The following RUNX1T1 variants were observed in gnomAD, a reference collection of about 807,000 sequenced individuals.
RUNX1T1 encodes the protein protein CBFA2T1.
In RUNX1T1, 4 loss-of-function variants were observed where a neutral mutation model predicts 62.8. That is an observed-to-expected ratio of 0.06 (90% CI 0.03 to 0.15). RUNX1T1 has a LOEUF of 0.15. RUNX1T1 is among the 10% of genes least tolerant of loss of function. The pLI is 1.00. For missense variants in RUNX1T1, 508 were observed against 754.3 expected, an observed-to-expected ratio of 0.67 and a Z score of 3.82; for synonymous variants, 291 against 286.0, an observed-to-expected ratio of 1.02 and a Z score of -0.18.
chr8:92,070,670 G>A (rs1267931048), intron 2 of RUNX1T1, among the ~76,000 whole-genome samples: 2 of 152,200 alleles, frequency 1.3e-5, no homozygotes, highest in Non-Finnish European at 2.9e-5. Flanking sequence ...TCCCTGCAAA[G>A]CCCAATCTCT....
At chr8:92,051,600 ACACTCTCTCTCTCTCTCTCTCT>A (rs1683234816) in intron 1 of RUNX1T1, among the ~76,000 whole-genome samples, 1 of 145,366 alleles carries the variant, frequency 6.9e-6, no homozygotes, top group Admixed American at 6.8e-5. Context: ...ACACACACAC[ACACTCTCTCTCTCTCTCTCTCT>A]CACTCTCTCT....
At position 91,985,751 on chromosome 8, in the gene RUNX1T1, G is replaced by A. The variant is rs867164090; in HGVS notation, c.1198+373C>T. On this transcript the variant is annotated intron_variant, in intron 8 of 10. Transcript: ENST00000396218. ...GCAGTGATAACATTGGTATGCAGTG[G>A]CAGAATTCACTAGAGACCTTGACGG... 5.3e-5 allele frequency among the ~76,000 whole-genome samples: 8 copies of A among 152,236 alleles called. 1 individual carries two copies. In the South Asian group the frequency reaches 8.3e-4, roughly 16 times the overall value.
intron 8 of RUNX1T1, among the ~76,000 whole-genome samples, chr8:91,982,098 T>A (rs543931566): frequency 6.6e-6 from 1 of 151,364 alleles, no homozygotes; most frequent in Non-Finnish European, 1.5e-5. Context: ...TACAAAAAAA[T>A]TAGCTGGGTG....
chr8:91,957,096 C>G (rs1178118171), downstream of RUNX1T1: 1 of 217,970 alleles, frequency 4.6e-6, no homozygotes, highest in African/African-American at 2.3e-5. Flanking sequence ...CGCCCTATTC[C>G]TATCAGCGAC....
upstream of RUNX1T1, chr8:92,062,969 AC>A: frequency 8.3e-7 from 1 of 1,211,520 alleles, no homozygotes; most frequent in Non-Finnish European, 1.0e-6. Context: ...ATTCACCACC[AC>A]CCCCATCCTG....
chr8:92,012,674 G>A (rs903419584), intron 3 of RUNX1T1, among the ~76,000 whole-genome samples: 3 of 152,006 alleles, frequency 2.0e-5, no homozygotes, highest in African/African-American at 7.2e-5. Context: ...ACTACCAGTT[G>A]GGTGGCCTTG....
At chr8:91,959,718 A>T in exon 11 of RUNX1T1, 1 of 228,614 alleles carries the variant, frequency 4.4e-6, no homozygotes. Flanking sequence ...TCAGTTAGCA[A>T]CCCACGGACG....
chr8:92,064,194 T>G (rs1481469775), upstream of RUNX1T1, among the ~76,000 whole-genome samples: 1 of 152,196 alleles, frequency 6.6e-6, no homozygotes. Flanking sequence ...ATATATTCTC[T>G]TGATAAACAG....
intron 8 of RUNX1T1, among the ~76,000 whole-genome samples, chr8:91,983,180 G>C (rs995624370): frequency 2.7e-4 from 41 of 151,560 alleles, no homozygotes; most frequent in African/African-American, 9.9e-4. Context: ...TGATCCGTCT[G>C]CCTCGGCCTC....
chr8:91,956,874 G>T (rs942921249), downstream of RUNX1T1: 1 of 214,630 alleles, frequency 4.7e-6, no homozygotes, highest in African/African-American at 2.3e-5. Context: ...ACAACATGGA[G>T]TCGCTTTCTT....
rs775183670 is a variant in RUNX1T1 at position 91,986,195 on chromosome 8, T to C, written c.1127A>G (p.Lys376Arg). 10 of 1,614,036 alleles carry C rather than the reference T, an allele frequency of 6.2e-6. No homozygotes were observed. In the South Asian group the frequency reaches 7.7e-5, roughly 12 times the overall value. ...GCTGCTGCTACTGCCGCCACCTTTTTTTAAGTCCTCGGCGTCACTGTACCG... is the reference window on the plus strand; with the variant it reads ...GCTGCTGCTACTGCCGCCACCTTTTCTTAAGTCCTCGGCGTCACTGTACCG... Residue 376 changes from lysine to arginine, a missense_variant, in exon 8 of 11, where the codon AAA (lysine) becomes AGA (arginine). Lys to Arg is a conservative substitution (Grantham distance 26, BLOSUM62 2). Transcript: ENST00000396218.
At chr8:92,005,321 G>A (rs1820538174) in intron 4 of RUNX1T1, 24 bp from the exon 6 acceptor site, 20 of 1,603,850 alleles carry the variant, frequency 1.2e-5, no homozygotes, top group Non-Finnish European at 1.7e-5. Flanking sequence ...ACAGGAATGA[G>A]AGGACGGACT....
chr8:92,099,563 G>A lies in RUNX1T1; in HGVS notation c.-86+17C>T, dbSNP rs1054641345. 10 of 931,548 alleles carry A rather than the reference G, an allele frequency of 1.1e-5. No homozygotes were observed. The African/African-American group carries it at 1.8e-4, about 17-fold the overall frequency. 57.7% of individuals were successfully genotyped at this position (931,548 alleles called of 1,614,324 possible). ...CAACAAATAAATAGCCTTTCTCACT[G>A]AACTTACATAACTTACAGTAATAGA... On this transcript the variant is annotated intron_variant, in intron 1 of 11. Coordinates refer to the RUNX1T1 transcript ENST00000265814.
rs1158790160 is a variant in RUNX1T1, at chr8:91,986,958, G to A, written c.925C>T (p.Arg309Cys). Residue 309 changes from arginine to cysteine, a missense_variant, in exon 7 of 11, where the codon CGT becomes TGT. Physicochemically the swap from Arg to Cys is radical, Grantham distance 180. Transcript: ENST00000396218. ...CTGTGATCAATCATTTCTTCTTGACGTGTGCCATGCAACCCTACAAAAATA... is the reference window on the plus strand; with the variant it reads ...CTGTGATCAATCATTTCTTCTTGACATGTGCCATGCAACCCTACAAAAATA... 4.3e-6 allele frequency: 7 copies of A among 1,610,448 alleles called. No homozygotes were observed. The highest frequency in any genetic ancestry group is 1.7e-5 in the Admixed American group (1 of 60,008).
At position 92,034,575 on chromosome 8, in the gene RUNX1T1, C is replaced by G. The variant is rs553174211; in HGVS notation, c.8-17212G>C. Among the ~76,000 whole-genome samples, 21 of 152,064 alleles carry G rather than the reference C, an allele frequency of 1.4e-4. No individual in the cohort carries two copies. In the South Asian group the frequency reaches 3.5e-3, roughly 26 times the overall value. On this transcript the variant is annotated intron_variant, in intron 1 of 10. Coordinates refer to ENST00000396218, the Ensembl canonical transcript of RUNX1T1. ...CCTTCTTATATCAAAAAGATACCTG[C>G]ACTCCTAGTTTATTGCAGCACTATT...
intron 1 of RUNX1T1, among the ~76,000 whole-genome samples, chr8:92,031,272 A>C (rs192872610): frequency 6.6e-6 from 1 of 152,316 alleles, no homozygotes; most frequent in East Asian, 1.9e-4. Context: ...AACCATCTAA[A>C]AAAGTTAACA....
chr8:92,060,903 G>A (rs1831922951), intron 1 of RUNX1T1, among the ~76,000 whole-genome samples: 1 of 150,756 alleles, frequency 6.6e-6, no homozygotes, highest in Non-Finnish European at 1.5e-5. Context: ...CCAAGTACAA[G>A]GTTTTCTAAC....
intron 1 of RUNX1T1, among the ~76,000 whole-genome samples, chr8:92,030,566 A>C (rs1192402270): frequency 6.6e-6 from 1 of 152,342 alleles, no homozygotes; most frequent in East Asian, 1.9e-4. Context: ...TCACTTTCTC[A>C]TATTTCAACC....
In RUNX1T1 at chr8:92,060,555, G is replaced by A. The variant is rs867467879; in HGVS notation, c.7+1991C>T. On this transcript the variant is annotated intron_variant, in intron 1 of 10. Transcript: ENST00000396218. ...TATATATATATATATATATATATAT[G>A]TGTGTGTGTGTGTGTGTGTGTGTGT... is the stretch of plus-strand genomic sequence containing the variant. 6.6e-3 allele frequency among the ~76,000 whole-genome samples: 629 copies of A among 94,808 alleles called. 1 individual carries two copies. Among genetic ancestry groups the A allele is most frequent in the African/African-American group, 0.01 (257 of 25,510 alleles). The allele number at this position is 94,808 out of a possible 152,430, so 62.2% of individuals were successfully genotyped here. A position where few individuals can be genotyped will look rare whatever the true frequency, so the allele number is the denominator to read the frequency against.
Sources: allele counts gnomAD v4.1 joint callset (sites outside exome capture counted in the v4.1 genomes callset), GRCh38; gene constraint gnomAD v4.1.1; transcripts MANE v1.5; gene names NCBI Gene and HGNC (gene_info 2026-07-23, HGNC 2026-07-21).